GABRG3: variants seen among roughly 807,000 people sequenced by gnomAD.
GABRG3 encodes gamma-aminobutyric acid receptor subunit gamma-3.
GABRG3 carries 25 observed loss-of-function variants against 48.8 expected under a neutral mutation model. The observed-to-expected ratio is 0.51, with a 90% CI of 0.37 to 0.72. The LOEUF is 0.72. Among genes scored for constraint, GABRG3 ranks in the 30% least tolerant of loss-of-function variants. The probability of loss-of-function intolerance (pLI) is 0.00; values close to 1 mark genes in which losing one functional copy is unlikely to be tolerated. For synonymous variants in GABRG3, 227 were observed against 217.6 expected (o/e 1.04, Z -0.38); for missense variants, 394 against 577.9 (o/e 0.68, Z 3.26).
Position 27,219,980 on chromosome 15 carries a change from T to C in GABRG3, c.271-106829T>C, listed in dbSNP as rs56919151. ...GGGATGCTTCTTCTTGTCACCAAAC[T>C]GAACTTGGGTCGGCTCACCCAGCAT... On this transcript the variant is annotated intron_variant, in intron 3 of 9. Coordinates refer to ENST00000615808, the MANE Select transcript of GABRG3 (RefSeq NM_033223.5). 3.0e-3 allele frequency among the ~76,000 whole-genome samples: 459 copies of C among 152,294 alleles called. 2 individuals carry two copies. The highest frequency in any genetic ancestry group is 0.011 in the African/African-American group (445 of 41,562).
intron 3 of GABRG3, among the ~76,000 whole-genome samples, chr15:27,147,294 G>C (rs1033767701): frequency 4.6e-5 from 7 of 151,986 alleles, no homozygotes; most frequent in Non-Finnish European, 1.0e-4. Context: ...CTAAACAAGA[G>C]AGCCTTAAAA....
intron 3 of GABRG3, among the ~76,000 whole-genome samples, chr15:27,090,750 G>T (rs1035241390): frequency 1.3e-5 from 2 of 152,028 alleles, no homozygotes; most frequent in African/African-American, 4.8e-5. Context: ...TGACTCTATT[G>T]TAAATGAAAT....
At chr15:27,440,488 C>T (rs747847028) in intron 5 of GABRG3, among the ~76,000 whole-genome samples, 3 of 152,182 alleles carry the variant, frequency 2.0e-5, no homozygotes, top group Non-Finnish European at 2.9e-5. Context: ...TTGGAATGTA[C>T]CTGATGCCAT....
chr15:27,308,098 A>G (rs142924359), intron 3 of GABRG3, among the ~76,000 whole-genome samples: 46,863 of 112,448 alleles, frequency 0.42, 14,255 homozygotes, highest in Non-Finnish European at 0.59. Flanking sequence ...ACATATATAA[A>G]CATATATGTT....
chr15:27,481,773 G>A (rs986286807), intron 6 of GABRG3, among the ~76,000 whole-genome samples: 6 of 152,088 alleles, frequency 3.9e-5, no homozygotes, highest in Admixed American at 3.3e-4. Context: ...AAACAATGAC[G>A]ATGTTAAATA....
chr15:26,992,885 T>C (rs111420249), intron 2 of GABRG3, among the ~76,000 whole-genome samples: 1,558 of 152,244 alleles, frequency 0.01, 26 homozygotes, highest in African/African-American at 0.035. Flanking sequence ...TTTGATCTTA[T>C]TACTTTTTAT....
chr15:27,511,684 G>T (rs1439613584), intron 6 of GABRG3, among the ~76,000 whole-genome samples: 1 of 152,214 alleles, frequency 6.6e-6, no homozygotes, highest in Non-Finnish European at 1.5e-5. Flanking sequence ...TGTATTCTAT[G>T]GGGTAGAGGG....
chr15:27,463,868 T>C (rs761539628), intron 5 of GABRG3, among the ~76,000 whole-genome samples: 10 of 152,118 alleles, frequency 6.6e-5, no homozygotes, highest in Non-Finnish European at 1.5e-4. Flanking sequence ...CTCTCTTCGC[T>C]CTTCTCTCAG....
At chr15:27,374,579 G>A (rs1237864264) in intron 5 of GABRG3, among the ~76,000 whole-genome samples, 2 of 152,168 alleles carry the variant, frequency 1.3e-5, no homozygotes, top group African/African-American at 4.8e-5. Context: ...TATTGTTTAA[G>A]TGTGGGTTTG....
chr15:27,262,223 C>T (rs769696833), intron 3 of GABRG3, among the ~76,000 whole-genome samples: 1 of 152,186 alleles, frequency 6.6e-6, no homozygotes, highest in Non-Finnish European at 1.5e-5. Flanking sequence ...TTAATGGGCC[C>T]TCCCGCGCAT....
chr15:27,307,198 A>T (rs1218506909), intron 3 of GABRG3, among the ~76,000 whole-genome samples: 1 of 137,258 alleles, frequency 7.3e-6, no homozygotes, highest in Non-Finnish European at 1.5e-5. Flanking sequence ...TTTATATTAT[A>T]ATACAAACAT....
chr15:27,087,855 A>G (rs947011800), intron 3 of GABRG3, among the ~76,000 whole-genome samples: 28 of 145,676 alleles, frequency 1.9e-4, no homozygotes, highest in African/African-American at 6.9e-4. Context: ...TGTGTGTGTA[A>G]TGTGCTGTGG....
intron 5 of GABRG3, among the ~76,000 whole-genome samples, chr15:27,376,054 A>T (rs992892062): frequency 1.3e-5 from 2 of 152,250 alleles, no homozygotes; most frequent in African/African-American, 4.8e-5. Flanking sequence ...AAATACAGCC[A>T]TTCCAAATGG....
At chr15:27,456,537 A>T (rs1355177364) in intron 5 of GABRG3, among the ~76,000 whole-genome samples, 1 of 152,214 alleles carries the variant, frequency 6.6e-6, no homozygotes, top group Non-Finnish European at 1.5e-5. Context: ...TGCACATTAT[A>T]CAAGAAGAGG....
intron 3 of GABRG3, among the ~76,000 whole-genome samples, chr15:27,192,488 C>G (rs999331952): frequency 6.6e-6 from 1 of 152,176 alleles, no homozygotes; most frequent in Admixed American, 6.5e-5. Context: ...TCTTCCATCG[C>G]TGATACCCTT....
intron 2 of GABRG3, among the ~76,000 whole-genome samples, chr15:26,982,629 A>G (rs956192769): frequency 1.3e-5 from 2 of 152,202 alleles, no homozygotes; most frequent in Non-Finnish European, 2.9e-5. Flanking sequence ...CACTGTGTAC[A>G]CAAGGAATTG....
intron 6 of GABRG3, among the ~76,000 whole-genome samples, chr15:27,503,943 G>GTGTT (rs1475154652): frequency 6.6e-6 from 1 of 152,066 alleles, no homozygotes; most frequent in African/African-American, 2.4e-5. Context: ...ATCTGTTGTG[G>GTGTT]TGTTCTTTGC....
intron 6 of GABRG3, among the ~76,000 whole-genome samples, chr15:27,485,085 T>C (rs547753949): frequency 5.9e-5 from 9 of 152,160 alleles, no homozygotes; most frequent in Admixed American, 1.3e-4. Context: ...AGGAAGGACA[T>C]GTATAGGGGA....
At chr15:27,197,149 T>A (rs1297940953) in intron 3 of GABRG3, among the ~76,000 whole-genome samples, 1 of 152,188 alleles carries the variant, frequency 6.6e-6, no homozygotes, top group Non-Finnish European at 1.5e-5. Context: ...TATTTAATCA[T>A]GGGTTGATTG....
Sources: gnomAD v4.1 joint callset for allele counts (sites outside exome capture counted in the v4.1 genomes callset) on GRCh38, gnomAD v4.1.1 for gene constraint, MANE v1.5 for transcripts, NCBI Gene and HGNC (gene_info 2026-07-23, HGNC 2026-07-21) for gene names.